The following SCARB1 variants were observed in gnomAD, a reference collection of about 807,000 sequenced individuals.
The protein encoded by SCARB1 is CD36 and LIMPII analogous 1.
SCARB1 carries 30 observed loss-of-function variants against 57.2 expected under a neutral mutation model. The observed-to-expected ratio is 0.52, with a 90% CI of 0.39 to 0.71. The LOEUF (loss-of-function observed/expected upper bound fraction) is 0.71, where lower values mean the gene tolerates loss of function less well. SCARB1 is among the 30% of genes least tolerant of loss of function. The pLI, the probability that SCARB1 is intolerant of heterozygous loss-of-function variation, is 0.00. For synonymous variants in SCARB1, 249 were observed against 268.3 expected, an observed-to-expected ratio of 0.93 and a Z score of 0.70; for missense variants, 543 against 671.2, an observed-to-expected ratio of 0.81 and a Z score of 2.11.
At chr12:124,778,628 C>G in intron 12 of SCARB1, 42 bp from the exon 13 acceptor site, 1 of 1,402,354 alleles carries the variant, frequency 7.1e-7, no homozygotes, top group East Asian at 3.1e-5. Flanking sequence ...CACGCCCTGT[C>G]ACCAAACCCC....
chr12:124,778,854 G>A (rs151221912), intron 12 of SCARB1, among the ~76,000 whole-genome samples: 1 of 152,298 alleles, frequency 6.6e-6, no homozygotes, highest in African/African-American at 2.4e-5. Context: ...ATACAGTGAG[G>A]GGCAGAGCAA....
At chr12:124,821,280 A>G in intron 1 of SCARB1, 2 of 586,220 alleles carry the variant, frequency 3.4e-6, no homozygotes, top group Non-Finnish European at 4.3e-6. Flanking sequence ...GCGCACACAC[A>G]CACACGCAGC....
intron 10 of SCARB1, 86 bp downstream of exon 10, chr12:124,787,320 A>G (rs1462415059): frequency 7.8e-6 from 10 of 1,276,106 alleles, no homozygotes; most frequent in Non-Finnish European, 1.0e-5. Flanking sequence ...CTCCCTTTCT[A>G]CAAGCTGCTC....
chr12:124,853,992 G>T (rs1258048968), intron 1 of SCARB1, among the ~76,000 whole-genome samples: 3 of 152,176 alleles, frequency 2.0e-5, no homozygotes, highest in Non-Finnish European at 4.4e-5. Context: ...TCGTTCCAGG[G>T]GCTTGGGTCA....
intron 1 of SCARB1, among the ~76,000 whole-genome samples, chr12:124,829,022 G>A (rs1594323051): frequency 6.6e-6 from 1 of 152,198 alleles, no homozygotes; most frequent in Non-Finnish European, 1.5e-5. Flanking sequence ...CTACGACACA[G>A]GCTAATCCAA....
chr12:124,863,650 AGCACAGC>A lies in SCARB1; in HGVS notation c.64_70del (p.Ala22TrpfsTer5). On this transcript the variant is annotated frameshift_variant, in exon 1 of 13. Coordinates refer to ENST00000261693, the MANE Select transcript of SCARB1 (RefSeq NM_005505.5). LOFTEE classifies it high-confidence loss of function. ...CACCATCACGATCATGACAGCGCCC[AGCACAGC>A]GCACAGTAGCCCCGCGACGCCCAGC... 1 of 1,592,092 alleles carries A rather than the reference AGCACAGC, an allele frequency of 6.3e-7. No individual in the cohort carries two copies. The highest frequency in any genetic ancestry group is 1.1e-5 in the South Asian group (1 of 88,014).
rs546441751 is a variant in SCARB1, at chr12:124,817,969, C to G, written c.127-262G>C. 1.3e-5 allele frequency among the ~76,000 whole-genome samples: 2 copies of G among 152,344 alleles called. No homozygotes were observed. The highest frequency in any genetic ancestry group is 4.1e-4 in the South Asian group (2 of 4,828). On this transcript the variant is annotated intron_variant, in intron 1 of 12. Transcript: ENST00000261693. The surrounding 1 kb of genome is among the most constrained non-coding windows in gnomAD (Gnocchi z 4.8). ...GCAACAGGTGACACCAGTCAAGGGA[C>G]TGTGGTAAACAGGGGCCCATGCACC...
Position 124,817,773 on chromosome 12 carries a change from C to T in SCARB1, c.127-66G>A. 1 of 1,579,468 alleles carries T rather than the reference C, an allele frequency of 6.3e-7. No individual in the cohort carries two copies. Among genetic ancestry groups the T allele is most frequent in the Non-Finnish European group, 8.7e-7 (1 of 1,149,108 alleles). Reference sequence around the variant, plus strand: ...GAGGGCCCCACGCCCCACCACAAGGCTCCGGAACAGCTGCCCGAGCCCGGC... The same window carrying T: ...GAGGGCCCCACGCCCCACCACAAGGTTCCGGAACAGCTGCCCGAGCCCGGC... On this transcript the variant is annotated intron_variant, in intron 1 of 12. Coordinates refer to ENST00000261693, the MANE Select transcript of SCARB1 (RefSeq NM_005505.5). This position sits in a 1 kb window ranked among gnomAD's most constrained non-coding sequence, Gnocchi z 4.8.
chr12:124,799,540 A>T (rs1950064455), intron 8 of SCARB1, among the ~76,000 whole-genome samples: 2 of 151,984 alleles, frequency 1.3e-5, no homozygotes, highest in Non-Finnish European at 1.5e-5. Context: ...AATAATAATA[A>T]TTTTGTTAAA....
chr12:124,857,333 C>T (rs189784896), intron 1 of SCARB1, among the ~76,000 whole-genome samples: 8 of 152,346 alleles, frequency 5.3e-5, no homozygotes, highest in Admixed American at 3.3e-4. Flanking sequence ...CCGGCCACAA[C>T]GAGTGCCCAT....
Position 124,817,284 on chromosome 12 carries a change from C to G in SCARB1, c.284+266G>C, listed in dbSNP as rs1950773063. The stretch of plus-strand genomic sequence containing the variant: ...CCTGTAATCCCAGCACTTTGAGAGG[C>G]TGAGGCGGAGGATCGCTTGAGCCCA... On this transcript the variant is annotated intron_variant, in intron 2 of 12. Coordinates refer to ENST00000261693, the MANE Select transcript of SCARB1 (RefSeq NM_005505.5). The surrounding 1 kb of genome is among the most constrained non-coding windows in gnomAD (Gnocchi z 4.8). 7.2e-6 allele frequency among the ~76,000 whole-genome samples: 1 copy of G among 139,564 alleles called. No homozygotes were observed. Among genetic ancestry groups the G allele is most frequent in the Non-Finnish European group, 1.5e-5 (1 of 65,660 alleles). 91.6% of individuals were successfully genotyped at this position (139,564 alleles called of 152,430 possible).
chr12:124,778,126 C>T lies in SCARB1; in HGVS notation c.*461G>A, dbSNP rs145259083. The T allele has an allele frequency of 5.2e-4, 121 of 234,788 alleles. No homozygotes were observed. Among genetic ancestry groups the T allele is most frequent in the African/African-American group, 2.4e-3 (107 of 44,562 alleles). The allele number at this position is 234,788 out of a possible 1,614,324, so 14.5% of individuals were successfully genotyped here. A position where few individuals can be genotyped will look rare whatever the true frequency, so the allele number is the denominator to read the frequency against. On this transcript the variant is annotated 3_prime_UTR_variant, in exon 13 of 13. Coordinates refer to ENST00000261693, the MANE Select transcript of SCARB1 (RefSeq NM_005505.5). ...CACTGAGTCCCCACTGAATTTGGCA[C>T]AGGAAGGCGGCACTCCCAGCCTGGC...
Position 124,807,884 on chromosome 12 carries a change from T to C in SCARB1, c.886A>G (p.Ile296Val). The stretch of plus-strand genomic sequence containing the variant: ...GGAGCCACGAAGCGATAGGTGGGGA[T>C]GCCTTCAAACACCCCTGACTCCTTG... ...MYKESGVFEG[I>V]PTYRFVAPKT... Residue 296 changes from isoleucine (I) to valine (V), a missense_variant, in exon 7 of 13, where the codon ATC (isoleucine) becomes GTC (valine). Physicochemically the swap from Ile to Val is conservative, Grantham distance 29 (BLOSUM62 3). Transcript: ENST00000261693. This position sits in a 1 kb window ranked among gnomAD's most constrained non-coding sequence, Gnocchi z 5.3. The C allele has an allele frequency of 6.2e-7, 1 of 1,614,118 alleles. No individual in the cohort carries two copies. Among genetic ancestry groups the C allele is most frequent in the East Asian group, 2.2e-5 (1 of 44,876 alleles).
intron 1 of SCARB1, among the ~76,000 whole-genome samples, chr12:124,857,797 G>A (rs1357320784): frequency 6.6e-6 from 1 of 152,198 alleles, no homozygotes. Context: ...AGGCAACCGA[G>A]GTTGAGTCCA....
chr12:124,839,442 C>T (rs1158441343), intron 1 of SCARB1, among the ~76,000 whole-genome samples: 6 of 152,194 alleles, frequency 3.9e-5, no homozygotes, highest in African/African-American at 1.4e-4. Context: ...CAGCTTCTTA[C>T]CCACCACCCA....
chr12:124,830,195 T>A (rs1951330854), intron 1 of SCARB1, among the ~76,000 whole-genome samples: 1 of 152,060 alleles, frequency 6.6e-6, no homozygotes, highest in South Asian at 2.1e-4. Context: ...AGACTGACAA[T>A]AACAAGTGCT....
At chr12:124,818,071 C>T (rs1378798790) in intron 1 of SCARB1, among the ~76,000 whole-genome samples, 2 of 152,156 alleles carry the variant, frequency 1.3e-5, no homozygotes, top group African/African-American at 4.8e-5. Context: ...ACATGGGCTC[C>T]GTGTGGCCAG....
chr12:124,859,164 T>C (rs1488578905), intron 1 of SCARB1, among the ~76,000 whole-genome samples: 1 of 152,184 alleles, frequency 6.6e-6, no homozygotes, highest in East Asian at 1.9e-4. Flanking sequence ...GATCGCAAGT[T>C]TGAGCCACCA....
At chr12:124,854,803 G>A (rs536573450) in intron 1 of SCARB1, among the ~76,000 whole-genome samples, 9 of 152,172 alleles carry the variant, frequency 5.9e-5, no homozygotes, top group Non-Finnish European at 1.2e-4. Flanking sequence ...CGAGGGTGAT[G>A]AGGAGCCAGC....
Sources: allele counts gnomAD v4.1 joint callset (sites outside exome capture counted in the v4.1 genomes callset), GRCh38; gene constraint gnomAD v4.1.1; non-coding constraint Gnocchi (gnomAD v3.1); transcripts MANE v1.5; gene names NCBI Gene and HGNC (gene_info 2026-07-23, HGNC 2026-07-21).